Variants in ZNF385D observed in about 807,000 individuals in gnomAD.
ZNF385D encodes the protein zinc finger protein 385D.
Under a neutral mutation model 35.8 loss-of-function variants are expected in ZNF385D, and 15 were observed. The ratio of observed to expected loss-of-function variants is 0.42; its 90% CI spans 0.28 to 0.64. The LOEUF is 0.64. Ranked by LOEUF, ZNF385D falls within the 30% of genes least tolerant of loss-of-function variation. The pLI is 0.23. For missense variants in ZNF385D, 474 were observed against 494.6 expected (o/e 0.96, Z 0.39); for synonymous variants, 212 against 186.8 (o/e 1.13, Z -1.10).
rs569380480 is a variant in ZNF385D, at chr3:22,160,001, T to C, written c.325+8816A>G. Among the ~76,000 whole-genome samples, 19 of 151,958 alleles carry C rather than the reference T, an allele frequency of 1.3e-4. No homozygotes were observed. The East Asian group carries it at 3.7e-3, about 30-fold the overall frequency. On this transcript the variant is annotated intron_variant, in intron 3 of 5. Coordinates refer to the ZNF385D transcript ENST00000494108. ...TCCCCACGTGTCAAAGGAGAGACCA[T>C]GTGGGGGTAATTGAATCATGGGGCC...
intron 3 of ZNF385D, among the ~76,000 whole-genome samples, chr3:22,121,306 C>G (rs1576354527): frequency 6.6e-6 from 1 of 152,146 alleles, no homozygotes; most frequent in Non-Finnish European, 1.5e-5. Context: ...GGGAGAGAAA[C>G]CGTTTCCCTT....
At chr3:21,579,931 G>C (rs1293832211) in intron 2 of ZNF385D, 1 of 151,732 alleles carries the variant, frequency 6.6e-6, no homozygotes, top group South Asian at 2.1e-4. Flanking sequence ...ATTTTAACTT[G>C]AGTACCTCTG....
At chr3:21,453,168 CA>C (rs3860574) in intron 4 of ZNF385D, among the ~76,000 whole-genome samples, 15,518 of 143,368 alleles carry the variant, frequency 0.11, 1,032 homozygotes, top group African/African-American at 0.21. Flanking sequence ...CATACACATG[CA>C]AAAAAAAAAA....
intron 3 of ZNF385D, among the ~76,000 whole-genome samples, chr3:21,516,851 C>CAATATTAAAATGTAACACCAGAA (rs1263778484): frequency 1.2e-3 from 183 of 151,894 alleles, no homozygotes; most frequent in African/African-American, 4.1e-3. Context: ...TCTTCCCTTG[C>CAATATTAAAATGTAACACCAGAA]AATATTAAAA....
chr3:22,372,335 G>T, intron 2 of ZNF385D: 2 of 614,258 alleles, frequency 3.3e-6, no homozygotes, highest in Non-Finnish European at 4.1e-6. Context: ...CCCCCCATGC[G>T]AGCCCCAGCC....
chr3:21,919,018 T>G (rs1478079526), intron 3 of ZNF385D, among the ~76,000 whole-genome samples: 1 of 152,240 alleles, frequency 6.6e-6, no homozygotes, highest in Non-Finnish European at 1.5e-5. Flanking sequence ...TTACTTGCTA[T>G]CAGATTGTTT....
At chr3:22,163,394 T>C (rs1369873134) in intron 3 of ZNF385D, among the ~76,000 whole-genome samples, 1 of 152,212 alleles carries the variant, frequency 6.6e-6, no homozygotes, top group East Asian at 1.9e-4. Context: ...CCCTAATTAA[T>C]TTATATACAT....
At chr3:21,686,038 G>A (rs2067092348) in intron 1 of ZNF385D, among the ~76,000 whole-genome samples, 1 of 152,014 alleles carries the variant, frequency 6.6e-6, no homozygotes, top group Non-Finnish European at 1.5e-5. Flanking sequence ...AAAAATGAGA[G>A]ACAAAGGCAA....
rs984065623 is a variant in ZNF385D, at chr3:21,892,467, T to A, written c.326-227439A>T. 3.3e-5 allele frequency among the ~76,000 whole-genome samples: 5 copies of A among 152,296 alleles called. No individual in the cohort carries two copies. In the South Asian group the frequency reaches 1.0e-3, roughly 32 times the overall value. On this transcript the variant is annotated intron_variant, in intron 3 of 5. Transcript: ENST00000494108. ...TCAATTTTGCTCCTCCAAATAGACTTGTTTGTGCTTTGCTCTGATTAGATT... is the reference window on the plus strand; with the variant it reads ...TCAATTTTGCTCCTCCAAATAGACTAGTTTGTGCTTTGCTCTGATTAGATT...
intron 2 of ZNF385D, among the ~76,000 whole-genome samples, chr3:21,648,140 C>T (rs1469019524): frequency 6.6e-6 from 1 of 152,052 alleles, no homozygotes; most frequent in Non-Finnish European, 1.5e-5. Flanking sequence ...ATAATCTGCA[C>T]GTGTCAAGGG....
intron 1 of ZNF385D, among the ~76,000 whole-genome samples, chr3:21,691,038 G>A (rs954564548): frequency 3.3e-5 from 5 of 151,972 alleles, no homozygotes; most frequent in East Asian, 1.9e-4. Context: ...GTCTCTTCTC[G>A]GTCTTTCAAC....
At chr3:22,208,476 C>T (rs1459643755) in intron 2 of ZNF385D, among the ~76,000 whole-genome samples, 1 of 151,096 alleles carries the variant, frequency 6.6e-6, no homozygotes, top group Non-Finnish European at 1.5e-5. Context: ...GGGGGTTAAC[C>T]GAGTTGGTTA....
At chr3:22,028,472 C>G (rs1697707427) in intron 3 of ZNF385D, among the ~76,000 whole-genome samples, 1 of 152,218 alleles carries the variant, frequency 6.6e-6, no homozygotes, top group African/African-American at 2.4e-5. Flanking sequence ...GAGACCAACA[C>G]TGAGCCCTCA....
chr3:22,210,284 C>G (rs1311325398), intron 2 of ZNF385D, among the ~76,000 whole-genome samples: 1 of 151,818 alleles, frequency 6.6e-6, no homozygotes, highest in Non-Finnish European at 1.5e-5. Context: ...AATGTCTCAA[C>G]AGGGATTTTT....
At chr3:22,342,808 A>G (rs1388177183) in intron 2 of ZNF385D, among the ~76,000 whole-genome samples, 1 of 152,228 alleles carries the variant, frequency 6.6e-6, no homozygotes, top group Admixed American at 6.5e-5. Context: ...TCATGTGCCC[A>G]AAGTCGTTTT....
intron 2 of ZNF385D, among the ~76,000 whole-genome samples, chr3:22,370,839 A>T (rs755400018): frequency 2.6e-4 from 39 of 152,166 alleles, no homozygotes; most frequent in Non-Finnish European, 5.0e-4. Flanking sequence ...ATTATTAGGT[A>T]ACCCCAAAGA....
chr3:22,271,381 T>C (rs993846249), intron 2 of ZNF385D, among the ~76,000 whole-genome samples: 10 of 152,002 alleles, frequency 6.6e-5, no homozygotes, highest in African/African-American at 2.4e-4. Context: ...AAGGGTTGTC[T>C]AATACAAGAT....
At chr3:21,729,945 A>G (rs1166502412) in intron 1 of ZNF385D, among the ~76,000 whole-genome samples, 3 of 152,172 alleles carry the variant, frequency 2.0e-5, no homozygotes, top group Non-Finnish European at 2.9e-5. Context: ...TCATTCATCC[A>G]TTTATTCATT....
intron 2 of ZNF385D, among the ~76,000 whole-genome samples, chr3:22,249,242 G>C (rs1217972068): frequency 1.3e-5 from 2 of 152,112 alleles, no homozygotes; most frequent in African/African-American, 2.4e-5. Context: ...TTTTGGGAAG[G>C]ATTTTTACAT....
Sources: allele counts gnomAD v4.1 joint callset (sites outside exome capture counted in the v4.1 genomes callset), GRCh38; gene constraint gnomAD v4.1.1; transcripts MANE v1.5; gene names NCBI Gene and HGNC (gene_info 2026-07-23, HGNC 2026-07-21).